MYO1E: variants seen among roughly 807,000 people sequenced by gnomAD.
The protein encoded by MYO1E is unconventional myosin-Ie.
Under a neutral mutation model 151.1 loss-of-function variants are expected in MYO1E, and 68 were observed. The observed-to-expected ratio is 0.45, with a 90% CI of 0.37 to 0.55. The LOEUF is 0.55. MYO1E is among the 20% of genes least tolerant of loss of function. MYO1E has a pLI of 0.00. For synonymous variants in MYO1E, 601 were observed against 501.7 expected, an observed-to-expected ratio of 1.20 and a Z score of -2.64; for missense variants, 1,363 against 1,389.3, an observed-to-expected ratio of 0.98 and a Z score of 0.30.
At chr15:59,319,919 CAAAG>C (rs1294249472) in intron 1 of MYO1E, among the ~76,000 whole-genome samples, 2 of 151,998 alleles carry the variant, frequency 1.3e-5, no homozygotes, top group African/African-American at 4.8e-5. Flanking sequence ...AACAAACAAA[CAAAG>C]AAAGAAACAC....
intron 1 of MYO1E, among the ~76,000 whole-genome samples, chr15:59,362,975 T>G: frequency 1.0e-5 from 1 of 99,744 alleles, no homozygotes; most frequent in South Asian, 3.9e-4. Context: ...AGTATGACTT[T>G]CTTTTTTTTT....
Position 59,265,910 on chromosome 15 carries a change from C to T in MYO1E, c.148-4401G>A, listed in dbSNP as rs189482381. The stretch of plus-strand genomic sequence containing the variant: ...TAGGCCTGGGAAGGCAAGGCTGCAG[C>T]GAACTGTGATCACACCATTGCTCTC... On this transcript the variant is annotated intron_variant, in intron 2 of 27. Transcript: ENST00000288235. 1.6e-3 allele frequency among the ~76,000 whole-genome samples: 236 copies of T among 150,420 alleles called. 1 individual carries two copies. Among genetic ancestry groups the T allele is most frequent in the African/African-American group, 5.1e-3 (207 of 40,842 alleles).
chr15:59,171,487 C>G (rs561412241), intron 22 of MYO1E, among the ~76,000 whole-genome samples: 1 of 152,282 alleles, frequency 6.6e-6, no homozygotes, highest in East Asian at 1.9e-4. Context: ...AGAAACTTCC[C>G]TTTCAGGACC....
intron 1 of MYO1E, among the ~76,000 whole-genome samples, chr15:59,349,342 T>G (rs1179526478): frequency 6.6e-6 from 1 of 152,176 alleles, no homozygotes; most frequent in African/African-American, 2.4e-5. Flanking sequence ...AATTATGTCT[T>G]TAGCTTCTAG....
chr15:59,267,170 C>T (rs2080260987), intron 2 of MYO1E, among the ~76,000 whole-genome samples: 1 of 151,380 alleles, frequency 6.6e-6, no homozygotes, highest in Non-Finnish European at 1.5e-5. Context: ...GGACTACAGG[C>T]ATGCGCCACT....
rs953072413 is a variant in MYO1E, at chr15:59,136,300, G to A, written c.*1080C>T. On this transcript the variant is annotated 3_prime_UTR_variant, in exon 28 of 28. Coordinates refer to ENST00000288235, the MANE Select transcript of MYO1E (RefSeq NM_004998.4). Reference sequence around the variant, plus strand: ...CATATTGTGAGGTACTGGTGGCTGGGACTCCAACATCTTCTTTGGAGGCAC... The same window carrying A: ...CATATTGTGAGGTACTGGTGGCTGGAACTCCAACATCTTCTTTGGAGGCAC... The A allele has an allele frequency of 6.2e-6, 1 of 160,312 alleles. No individual in the cohort carries two copies. The highest frequency in any genetic ancestry group is 1.4e-5 in the Non-Finnish European group (1 of 72,348). The allele number at this position is 160,312 out of a possible 1,614,324, so 9.9% of individuals were successfully genotyped here.
At chr15:59,313,620 C>T (rs950904821) in intron 1 of MYO1E, among the ~76,000 whole-genome samples, 1 of 151,122 alleles carries the variant, frequency 6.6e-6, no homozygotes, top group East Asian at 2.0e-4. Flanking sequence ...GCTCTTGTTT[C>T]TGAGAACCTC....
At position 59,256,274 on chromosome 15, in the gene MYO1E, T is replaced by C. The variant is rs1212994992; in HGVS notation, c.332+10A>G. 1 of 1,577,440 alleles carries C rather than the reference T, an allele frequency of 6.3e-7. No homozygotes were observed. Among genetic ancestry groups the C allele is most frequent in the Non-Finnish European group, 8.7e-7 (1 of 1,147,082 alleles). ...TCTTCCACGCCCACTGATAAGGATCTTCTTCATACCTGATAATGACGCACT... is the reference window on the plus strand; with the variant it reads ...TCTTCCACGCCCACTGATAAGGATCCTCTTCATACCTGATAATGACGCACT... On this transcript the variant is annotated intron_variant, in intron 4 of 27. Coordinates refer to ENST00000288235, the MANE Select transcript of MYO1E (RefSeq NM_004998.4).
intron 10 of MYO1E, among the ~76,000 whole-genome samples, chr15:59,215,641 C>T (rs543823071): frequency 2.0e-5 from 3 of 152,254 alleles, no homozygotes; most frequent in African/African-American, 7.2e-5. Flanking sequence ...AGGTGTTTTC[C>T]AGGCAAACAA....
intron 1 of MYO1E, among the ~76,000 whole-genome samples, chr15:59,286,223 G>C (rs897332090): frequency 2.0e-5 from 3 of 152,168 alleles, no homozygotes; most frequent in East Asian, 1.9e-4. Context: ...TCCTATCCTT[G>C]GAAGAATCTC....
At chr15:59,182,717 G>C (rs1237652686) in intron 18 of MYO1E, among the ~76,000 whole-genome samples, 1 of 152,154 alleles carries the variant, frequency 6.6e-6, no homozygotes, top group Non-Finnish European at 1.5e-5. Context: ...TCAGAGTGCG[G>C]CACAGCGTAA....
At chr15:59,201,832 G>A (rs781157168) in intron 16 of MYO1E, among the ~76,000 whole-genome samples, 25 of 152,174 alleles carry the variant, frequency 1.6e-4, no homozygotes, top group Non-Finnish European at 3.4e-4. Flanking sequence ...GACACCATGT[G>A]GCTAGATGTG....
intron 26 of MYO1E, among the ~76,000 whole-genome samples, chr15:59,150,940 C>T (rs1200350445): frequency 3.3e-5 from 5 of 151,564 alleles, no homozygotes; most frequent in Admixed American, 1.3e-4. Flanking sequence ...ACGTGAACCA[C>T]GGTCATGAGA....
intron 1 of MYO1E, among the ~76,000 whole-genome samples, chr15:59,312,639 G>C (rs139694649): frequency 6.6e-6 from 1 of 152,006 alleles, no homozygotes; most frequent in Admixed American, 6.6e-5. Flanking sequence ...GCTGGGATTA[G>C]GCGAGAACAC....
chr15:59,303,475 G>A (rs1596408272), intron 1 of MYO1E, among the ~76,000 whole-genome samples: 1 of 152,110 alleles, frequency 6.6e-6, no homozygotes, highest in East Asian at 1.9e-4. Context: ...GTTGCAGTGA[G>A]CCGAGACCGT....
chr15:59,229,785 T>A (rs373481798), intron 6 of MYO1E, among the ~76,000 whole-genome samples: 1 of 152,218 alleles, frequency 6.6e-6, no homozygotes, highest in Admixed American at 6.5e-5. Context: ...TGATGCCACT[T>A]CTTCATTCTC....
chr15:59,319,205 G>A (rs1348517553), intron 1 of MYO1E, among the ~76,000 whole-genome samples: 28 of 152,136 alleles, frequency 1.8e-4, no homozygotes, highest in Admixed American at 1.8e-3. Context: ...CAGCTACTTG[G>A]GAGGCTGAGG....
chr15:59,151,077 A>G (rs568111741), intron 26 of MYO1E, among the ~76,000 whole-genome samples: 42 of 151,520 alleles, frequency 2.8e-4, no homozygotes, highest in Non-Finnish European at 5.0e-4. Flanking sequence ...GCACTTAGAG[A>G]GAGGTCTACA....
At chr15:59,248,253 G>A (rs2080142644) in intron 4 of MYO1E, among the ~76,000 whole-genome samples, 1 of 151,462 alleles carries the variant, frequency 6.6e-6, no homozygotes, top group African/African-American at 2.4e-5. Flanking sequence ...GGCGGCCAAG[G>A]CAGGTGGATC....
Sources: gnomAD v4.1 joint callset for allele counts (sites outside exome capture counted in the v4.1 genomes callset) on GRCh38, gnomAD v4.1.1 for gene constraint, MANE v1.5 for transcripts, NCBI Gene and HGNC (gene_info 2026-07-23, HGNC 2026-07-21) for gene names.